The following DDX6 variants were observed in gnomAD, a reference collection of about 807,000 sequenced individuals.
DDX6 encodes probable ATP-dependent RNA helicase DDX6.
Under a neutral mutation model 60.6 loss-of-function variants are expected in DDX6, and 7 were observed. The observed-to-expected ratio is 0.12, with a 90% confidence interval of 0.07 to 0.22. The LOEUF is 0.22. Ranked by LOEUF, DDX6 falls within the 10% of genes least tolerant of loss-of-function variation. The probability of loss-of-function intolerance (pLI) is 1.00; values close to 1 mark genes in which losing one functional copy is unlikely to be tolerated. For synonymous variants in DDX6, 207 were observed against 201.0 expected (o/e 1.03, Z -0.25); for missense variants, 270 against 589.9 (o/e 0.46, Z 5.62).
At chr11:118,767,574 TAGTTTATAAGTAGCA>T (rs1251424865) in intron 5 of DDX6, 1 of 151,658 alleles carries the variant, frequency 6.6e-6, no homozygotes, top group Non-Finnish European at 1.5e-5. Context: ...AATAGTTCCA[TAGTTTATAAGTAGCA>T]ATGTCAACTA....
chr11:118,753,432 C>T (rs961438117), intron 13 of DDX6, among the ~76,000 whole-genome samples: 1 of 149,714 alleles, frequency 6.7e-6, no homozygotes, highest in South Asian at 2.1e-4. Flanking sequence ...CTCCACCTCC[C>T]AGGTTCAAGT....
chr11:118,790,545 T>C (rs532797775), intron 1 of DDX6, among the ~76,000 whole-genome samples: 5 of 152,054 alleles, frequency 3.3e-5, no homozygotes, highest in Admixed American at 2.6e-4. Context: ...CCGCCCCCTA[T>C]AGGGCCGCCT....
intron 11 of DDX6, 124 bp from the exon 12 acceptor site, chr11:118,755,627 A>G (rs2137415858): frequency 1.6e-6 from 1 of 615,008 alleles, no homozygotes; most frequent in East Asian, 2.8e-5. Context: ...ATGCATTTGC[A>G]CATTACTGGC....
chr11:118,773,529 A>AG (rs1555162998), intron 4 of DDX6, among the ~76,000 whole-genome samples: 2 of 152,108 alleles, frequency 1.3e-5, no homozygotes, highest in Non-Finnish European at 2.9e-5. Context: ...CCAAGATTGC[A>AG]CCACTGCACT....
chr11:118,753,687 TTTG>T (rs1565558676), intron 13 of DDX6, among the ~76,000 whole-genome samples: 3 of 152,088 alleles, frequency 2.0e-5, no homozygotes, highest in Non-Finnish European at 4.4e-5. Context: ...TGATTAAACA[TTTG>T]CTAATAAGGT....
In DDX6 at chr11:118,760,823, CA is replaced by C. The variant is rs544626778; in HGVS notation, c.742-780del. Among the ~76,000 whole-genome samples, 444 of 56,524 alleles carry C rather than the reference CA, an allele frequency of 7.9e-3. 2 individuals carry two copies. Among genetic ancestry groups the C allele is most frequent in the African/African-American group, 0.022 (299 of 13,320 alleles). 37.1% of individuals were successfully genotyped at this position (56,524 alleles called of 152,430 possible). On this transcript the variant is annotated intron_variant, in intron 7 of 13. Coordinates refer to ENST00000534980, the MANE Select transcript of DDX6 (RefSeq NM_004397.6). ...GCGACAGGGCGAGACTACTCCGTCT[CA>C]AAAAAAAAAAAAAAAAAAAAGTAAG...
intron 3 of DDX6, among the ~76,000 whole-genome samples, chr11:118,780,830 C>T (rs540206917): frequency 7.6e-4 from 116 of 152,268 alleles, no homozygotes; most frequent in Admixed American, 1.2e-3. Context: ...CCTTTAGCTT[C>T]CCCCCTATTG....
intron 9 of DDX6, among the ~76,000 whole-genome samples, chr11:118,757,811 G>GA: frequency 6.6e-6 from 1 of 152,142 alleles, no homozygotes; most frequent in Non-Finnish European, 1.5e-5. Flanking sequence ...GGCTGGTCTT[G>GA]AACTCTTGAC....
intron 1 of DDX6, chr11:118,789,852 T>A (rs576252470): frequency 6.6e-6 from 1 of 152,194 alleles, no homozygotes; most frequent in African/African-American, 2.4e-5. Flanking sequence ...ACTGCAGCTT[T>A]TTCTCAGAGA....
intron 5 of DDX6, 111 bp from the exon 6 acceptor site, chr11:118,765,466 T>TAAGGC: frequency 2.7e-6 from 3 of 1,128,936 alleles, no homozygotes; most frequent in Non-Finnish European, 3.9e-6. Flanking sequence ...CGCCTTATGA[T>TAAGGC]GCAGTGGCTC....
chr11:118,753,810 C>T (rs1433010948), intron 13 of DDX6, among the ~76,000 whole-genome samples: 4 of 151,992 alleles, frequency 2.6e-5, no homozygotes, highest in Non-Finnish European at 5.9e-5. Context: ...TTCAAAACTG[C>T]TGGCAGTGTG....
At position 118,750,738 on chromosome 11, in the gene DDX6, CTT is replaced by C. The variant is rs1295329822; in HGVS notation, c.*1365_*1366del. 3 of 152,096 alleles carry C rather than the reference CTT, an allele frequency of 2.0e-5. No individual in the cohort carries two copies. Among genetic ancestry groups the C allele is most frequent in the Non-Finnish European group, 4.4e-5 (3 of 68,014 alleles). 9.4% of individuals were successfully genotyped at this position (152,096 alleles called of 1,614,324 possible). A position where few individuals can be genotyped will look rare whatever the true frequency, so the allele number is the denominator to read the frequency against. The stretch of plus-strand genomic sequence containing the variant: ...TGCAGAGCTTGAAATATTCCTCAAA[CTT>C]TTAGAAAGGGGGAAGAAGCAAAATC... On this transcript the variant is annotated 3_prime_UTR_variant, in exon 14 of 14. Transcript: ENST00000534980.
At chr11:118,771,488 C>T (rs1453305273) in intron 4 of DDX6, among the ~76,000 whole-genome samples, 1 of 152,186 alleles carries the variant, frequency 6.6e-6, no homozygotes, top group Non-Finnish European at 1.5e-5. Context: ...GATTAACAGT[C>T]AGTGAATTCA....
chr11:118,760,613 G>A (rs1268629041), intron 7 of DDX6, among the ~76,000 whole-genome samples: 1 of 148,876 alleles, frequency 6.7e-6, no homozygotes, highest in African/African-American at 2.5e-5. Flanking sequence ...ACGAGGTCAA[G>A]AGTTTGAGAC....
At chr11:118,788,020 G>C (rs78745886) in intron 1 of DDX6, 2 of 147,890 alleles carry the variant, frequency 1.4e-5, no homozygotes, top group African/African-American at 5.0e-5. Context: ...AAAAAAAAAA[G>C]AACTGGTAGG....
intron 2 of DDX6, among the ~76,000 whole-genome samples, chr11:118,781,617 G>A (rs1790189): frequency 6.6e-6 from 1 of 152,142 alleles, no homozygotes; most frequent in East Asian, 1.9e-4. Flanking sequence ...ACCATGGCCG[G>A]CTATTCTCAT....
chr11:118,769,673 T>TCAAC (rs10528517), intron 4 of DDX6, among the ~76,000 whole-genome samples: 14 of 21,500 alleles, frequency 6.5e-4, no homozygotes, highest in Admixed American at 2.0e-3. Flanking sequence ...TTGAAAAAGC[T>TCAAC]TGATCGTTGA....
rs1413874875 is a variant in DDX6, at chr11:118,781,275, C to A, written c.201-91G>T. On this transcript the variant is annotated intron_variant, in intron 2 of 13. Coordinates refer to ENST00000534980, the MANE Select transcript of DDX6 (RefSeq NM_004397.6). The stretch of plus-strand genomic sequence containing the variant: ...CAATTATAATTAAGTGTTAAAAAAG[C>A]ACAGTAAGTTTAATATATTCCATTT... 5.0e-6 allele frequency: 4 copies of A among 794,382 alleles called. No individual in the cohort carries two copies. In the African/African-American group the frequency reaches 5.2e-5, roughly 10 times the overall value. The allele number at this position is 794,382 out of a possible 1,614,324, so 49.2% of individuals were successfully genotyped here.
chr11:118,766,024 T>C (rs1478248285), intron 5 of DDX6, among the ~76,000 whole-genome samples: 4 of 151,786 alleles, frequency 2.6e-5, no homozygotes, highest in African/African-American at 9.7e-5. Context: ...TGAGCCGAGA[T>C]TGTGCCACTG....
Sources: allele counts gnomAD v4.1 joint callset (sites outside exome capture counted in the v4.1 genomes callset), GRCh38; gene constraint gnomAD v4.1.1; transcripts MANE v1.5; gene names NCBI Gene and HGNC (gene_info 2026-07-23, HGNC 2026-07-21).